MCPH1: variants seen among roughly 807,000 people sequenced by gnomAD.
MCPH1 encodes microcephalin.
In MCPH1, 104 loss-of-function variants were observed where a neutral mutation model predicts 84.5. The ratio of observed to expected loss-of-function variants is 1.23; its 90% CI spans 1.05 to 1.45. MCPH1 has a LOEUF of 1.45. MCPH1 is among the 40% of genes most tolerant of loss of function. The probability of loss-of-function intolerance (pLI) is 0.00; values close to 1 mark genes in which losing one functional copy is unlikely to be tolerated. For missense variants in MCPH1, 1,498 were observed against 1,005.7 expected (o/e 1.49, Z -6.62); for synonymous variants, 514 against 366.8 (o/e 1.40, Z -4.58).
intron 3 of MCPH1, among the ~76,000 whole-genome samples, chr8:6,416,825 C>A (rs1321769535): frequency 4.1e-5 from 1 of 24,168 alleles, no homozygotes; most frequent in South Asian, 2.8e-3. Flanking sequence ...AAAACCCTAT[C>A]TCTATTAAAA....
intron 12 of MCPH1, among the ~76,000 whole-genome samples, chr8:6,564,271 C>G (rs925522506): frequency 6.6e-6 from 1 of 152,206 alleles, no homozygotes; most frequent in Admixed American, 6.5e-5. Flanking sequence ...GTCACCATGC[C>G]TGGCCCACAA....
At chr8:6,423,333 T>A (rs1018589231) in intron 3 of MCPH1, among the ~76,000 whole-genome samples, 2 of 147,164 alleles carry the variant, frequency 1.4e-5, no homozygotes, top group Non-Finnish European at 1.5e-5. Flanking sequence ...CCTGGCTAAT[T>A]TTTTTGTATT....
At chr8:6,624,937 G>A in intron 13 of MCPH1, 1 of 840,332 alleles carries the variant, frequency 1.2e-6, no homozygotes, top group South Asian at 5.5e-5. Context: ...GTGCAGTGAT[G>A]AGATCTCAGC....
chr8:6,473,713 C>G (rs1808065466), intron 9 of MCPH1: 2 of 463,652 alleles, frequency 4.3e-6, no homozygotes, highest in Non-Finnish European at 7.4e-6. Flanking sequence ...TAGGCATAAA[C>G]CTTTATACTA....
At chr8:6,536,614 G>C (rs948997139) in intron 12 of MCPH1, among the ~76,000 whole-genome samples, 2 of 152,074 alleles carry the variant, frequency 1.3e-5, no homozygotes, top group Non-Finnish European at 2.9e-5. Context: ...CCAAAGATTA[G>C]TAGTAATTTT....
intron 3 of MCPH1, among the ~76,000 whole-genome samples, chr8:6,420,981 G>A (rs1178517116): frequency 6.6e-6 from 1 of 152,138 alleles, no homozygotes; most frequent in East Asian, 1.9e-4. Context: ...AGTCCCAGGC[G>A]GGCATGGAGG....
Position 6,455,131 on chromosome 8 carries a change from C to G in MCPH1, c.1826-12C>G, listed in dbSNP as rs1220196042. The stretch of plus-strand genomic sequence containing the variant: ...AAAGTTCTAACTAATTTTTAATCCC[C>G]TTGGGTTTTAGGTGTTAAAAATAGA... On this transcript the variant is annotated splice_polypyrimidine_tract_variant and intron_variant, in intron 8 of 13. Transcript: ENST00000344683. 1.9e-6 allele frequency: 3 copies of G among 1,605,590 alleles called. No individual in the cohort carries two copies. The highest frequency in any genetic ancestry group is 2.6e-6 in the Non-Finnish European group (3 of 1,172,532).
chr8:6,526,698 G>A (rs147664468), intron 12 of MCPH1, among the ~76,000 whole-genome samples: 130 of 152,212 alleles, frequency 8.5e-4, no homozygotes, highest in African/African-American at 2.8e-3. Context: ...ATCATTTTTG[G>A]TTAAGAATAA....
At chr8:6,464,637 G>A (rs1419079890) in intron 9 of MCPH1, among the ~76,000 whole-genome samples, 1 of 152,196 alleles carries the variant, frequency 6.6e-6, no homozygotes, top group Non-Finnish European at 1.5e-5. Context: ...GCCACCGACG[G>A]AGGACATTTC....
chr8:6,503,404 C>T (rs1042118378), intron 12 of MCPH1: 2 of 776,560 alleles, frequency 2.6e-6, no homozygotes, highest in Non-Finnish European at 4.2e-6. Context: ...ATAGGATGTG[C>T]ACTGGCAGAG....
At chr8:6,466,615 G>C (rs1335616892) in intron 9 of MCPH1, among the ~76,000 whole-genome samples, 3 of 150,128 alleles carry the variant, frequency 2.0e-5, no homozygotes, top group Admixed American at 1.3e-4. Context: ...CCCTTTTTTT[G>C]TGTTTTAGTA....
intron 12 of MCPH1, chr8:6,562,504 A>C: frequency 1.6e-6 from 1 of 636,160 alleles, no homozygotes. Context: ...CTTTCATTTG[A>C]GGGTACCAGC....
chr8:6,628,931 T>G (rs1416439308), intron 13 of MCPH1, among the ~76,000 whole-genome samples: 2 of 152,238 alleles, frequency 1.3e-5, no homozygotes, highest in Non-Finnish European at 2.9e-5. Context: ...TGGAGTATGC[T>G]GAACTTGTGT....
intron 9 of MCPH1, among the ~76,000 whole-genome samples, chr8:6,463,922 A>G (rs1256553861): frequency 6.6e-6 from 1 of 152,168 alleles, no homozygotes; most frequent in Non-Finnish European, 1.5e-5. Flanking sequence ...TGTAGCTTTG[A>G]TTTTAAATTT....
At position 6,482,877 on chromosome 8, in the gene MCPH1, G is replaced by GA. The variant is rs371656082; in HGVS notation, c.2136+2003dup. 1.0e-3 allele frequency among the ~76,000 whole-genome samples: 154 copies of GA among 152,302 alleles called. 2 individuals are homozygous for GA. Among genetic ancestry groups the GA allele is most frequent in the African/African-American group, 3.7e-3 (152 of 41,554 alleles). On this transcript the variant is annotated intron_variant, in intron 11 of 13. Transcript: ENST00000344683. The stretch of plus-strand genomic sequence containing the variant: ...GTCTAGACTCCTTGCCTGGAGGGAA[G>GA]AACCTGGGGCACTCAGACACATAAG...
At chr8:6,425,377 T>G (rs1800906489) in intron 3 of MCPH1, among the ~76,000 whole-genome samples, 1 of 152,208 alleles carries the variant, frequency 6.6e-6, no homozygotes, top group African/African-American at 2.4e-5. Context: ...TTCAGTAGAT[T>G]TTGGTTGGAC....
intron 11 of MCPH1, among the ~76,000 whole-genome samples, chr8:6,484,750 G>C (rs1809655235): frequency 6.6e-6 from 1 of 152,228 alleles, no homozygotes; most frequent in Admixed American, 6.5e-5. Context: ...ATGCCAAGTT[G>C]AATAGCTGGT....
At chr8:6,484,928 G>A (rs753062679) in intron 11 of MCPH1, among the ~76,000 whole-genome samples, 1 of 152,234 alleles carries the variant, frequency 6.6e-6, no homozygotes, top group Non-Finnish European at 1.5e-5. Context: ...GAATTGTGCT[G>A]TGTTGTTAGT....
intron 12 of MCPH1, chr8:6,519,841 G>C (rs1816971877): frequency 6.2e-7 from 1 of 1,612,134 alleles, no homozygotes; most frequent in Non-Finnish European, 8.5e-7. Flanking sequence ...CAGGGAGTTA[G>C]TAAGGGGAGA....
Sources: gnomAD v4.1 joint callset for allele counts (sites outside exome capture counted in the v4.1 genomes callset) on GRCh38, gnomAD v4.1.1 for gene constraint, MANE v1.5 for transcripts, NCBI Gene and HGNC (gene_info 2026-07-23, HGNC 2026-07-21) for gene names.